ARMC7: variants seen among roughly 807,000 people sequenced by gnomAD.
ARMC7 encodes the protein armadillo repeat-containing protein 7.
ARMC7 carries 9 observed loss-of-function variants against 14.8 expected under a neutral mutation model. The observed-to-expected ratio is 0.61, with a 90% CI of 0.37 to 1.06. ARMC7 has a LOEUF of 1.06. Ranked by LOEUF, ARMC7 falls within the 50% of genes least tolerant of loss-of-function variation. The probability of loss-of-function intolerance (pLI) is 0.01; values close to 1 mark genes in which losing one functional copy is unlikely to be tolerated. For missense variants in ARMC7, 262 were observed against 267.1 expected (o/e 0.98, Z 0.13); for synonymous variants, 125 against 123.4 (o/e 1.01, Z -0.09).
intron 2 of ARMC7, among the ~76,000 whole-genome samples, chr17:75,123,746 T>C (rs1049681556): frequency 1.3e-5 from 2 of 151,950 alleles, no homozygotes; most frequent in African/African-American, 4.8e-5. Flanking sequence ...CCCCCATCTC[T>C]ACTAAAAATA....
intron 2 of ARMC7, chr17:75,114,838 T>G (rs1002451930): frequency 2.5e-6 from 1 of 397,278 alleles, no homozygotes; most frequent in East Asian, 3.6e-5. Flanking sequence ...AAATTTCTCT[T>G]GTGTTTATTA....
chr17:75,129,935 C>T lies in ARMC7; in HGVS notation c.*897C>T, dbSNP rs80076311. On this transcript the variant is annotated 3_prime_UTR_variant, in exon 3 of 3. Transcript: ENST00000245543. ...CAAGGGAGTCAGGAAGAGACGGCAACGTAAAGGATGTGGCTCCATGTCCAT... is the reference window on the plus strand; with the variant it reads ...CAAGGGAGTCAGGAAGAGACGGCAATGTAAAGGATGTGGCTCCATGTCCAT... 365 of 153,536 alleles carry T rather than the reference C, an allele frequency of 2.4e-3. 3 individuals carry two copies. Among genetic ancestry groups the T allele is most frequent in the Non-Finnish European group, 4.4e-3 (306 of 68,986 alleles). The allele number at this position is 153,536 out of a possible 1,614,324, so 9.5% of individuals were successfully genotyped here.
In ARMC7 at chr17:75,129,841, C is replaced by T. The variant is rs1327797036; in HGVS notation, c.*803C>T. 1 of 152,540 alleles carries T rather than the reference C, an allele frequency of 6.6e-6. No individual in the cohort carries two copies. The highest frequency in any genetic ancestry group is 1.5e-5 in the Non-Finnish European group (1 of 68,336). 9.4% of individuals were successfully genotyped at this position (152,540 alleles called of 1,614,324 possible). A position where few individuals can be genotyped will look rare whatever the true frequency, so the allele number is the denominator to read the frequency against. ...AAGCTTCGGCCCTCCTCTGCTGTCA[C>T]TCAATGATGGGGAGCCCTACCCCAG... is the stretch of plus-strand genomic sequence containing the variant. On this transcript the variant is annotated 3_prime_UTR_variant, in exon 3 of 3. Coordinates refer to ENST00000245543, the MANE Select transcript of ARMC7 (RefSeq NM_024585.4).
chr17:75,115,477 G>A (rs1339596631), intron 2 of ARMC7, among the ~76,000 whole-genome samples: 1 of 152,028 alleles, frequency 6.6e-6, no homozygotes, highest in Non-Finnish European at 1.5e-5. Flanking sequence ...GACAGAGGTT[G>A]CAGTGAGCCA....
rs1391609930 is a variant in ARMC7 at position 75,110,231 on chromosome 17, C to T, written c.-58C>T. 14 of 1,490,100 alleles carry T rather than the reference C, an allele frequency of 9.4e-6. No homozygotes were observed. The highest frequency in any genetic ancestry group is 1.4e-5 in the African/African-American group (1 of 71,382). 92.3% of individuals were successfully genotyped at this position (1,490,100 alleles called of 1,614,324 possible). ...GCGGGTGAGGGTCTCGCTCGGCTTT[C>T]CCCCTGCACCTTTCCCACCCTCCCG... On this transcript the variant is annotated 5_prime_UTR_variant, in exon 1 of 3. Transcript: ENST00000245543.
At chr17:75,117,475 A>C (rs2073981732) in intron 2 of ARMC7, among the ~76,000 whole-genome samples, 1 of 152,214 alleles carries the variant, frequency 6.6e-6, no homozygotes, top group African/African-American at 2.4e-5. Flanking sequence ...AGGGTGTTCA[A>C]AGGCAGGAGG....
chr17:75,117,162 C>A (rs771751726), intron 2 of ARMC7, among the ~76,000 whole-genome samples: 2 of 152,130 alleles, frequency 1.3e-5, no homozygotes, highest in Non-Finnish European at 2.9e-5. Flanking sequence ...CTGCAACCTC[C>A]GCCTACCTGG....
intron 2 of ARMC7, among the ~76,000 whole-genome samples, chr17:75,123,895 G>A (rs898924040): frequency 1.3e-5 from 2 of 152,096 alleles, no homozygotes; most frequent in African/African-American, 4.8e-5. Context: ...TGGGCGACAA[G>A]AGCGAGGCTC....
intron 2 of ARMC7, among the ~76,000 whole-genome samples, chr17:75,127,329 G>C (rs927369775): frequency 6.6e-6 from 1 of 152,216 alleles, no homozygotes; most frequent in African/African-American, 2.4e-5. Context: ...CTAACATTGA[G>C]ACGTAGTATT....
chr17:75,127,091 C>A (rs116236149), intron 2 of ARMC7, among the ~76,000 whole-genome samples: 1 of 148,074 alleles, frequency 6.8e-6, no homozygotes, highest in Admixed American at 6.7e-5. Context: ...TGGCGTAAGC[C>A]ATGCACAGTG....
rs935052928 is a variant in ARMC7, at chr17:75,129,678, C to T, written c.*640C>T. 6.6e-6 allele frequency: 1 copy of T among 152,502 alleles called. No individual in the cohort carries two copies. The highest frequency in any genetic ancestry group is 1.5e-5 in the Non-Finnish European group (1 of 68,306). The allele number at this position is 152,502 out of a possible 1,614,324, so 9.4% of individuals were successfully genotyped here. ...TCCAAGATGAAGATGTGGTCCCTGC[C>T]CTTGAGTGACAGCCCAGGGACTTAA... On this transcript the variant is annotated 3_prime_UTR_variant, in exon 3 of 3. Coordinates refer to ENST00000245543, the MANE Select transcript of ARMC7 (RefSeq NM_024585.4).
At chr17:75,118,580 G>A (rs117498918) in intron 2 of ARMC7, among the ~76,000 whole-genome samples, 1,765 of 152,316 alleles carry the variant, frequency 0.012, 24 homozygotes, top group Non-Finnish European at 0.02. Context: ...ACACGCACGG[G>A]TTTTCAAGTC....
intron 2 of ARMC7, among the ~76,000 whole-genome samples, chr17:75,125,584 T>A (rs1350846018): frequency 6.6e-6 from 1 of 152,070 alleles, no homozygotes; most frequent in African/African-American, 2.4e-5. Context: ...ACACCCGTAA[T>A]CCTAGCACTT....
In ARMC7 at chr17:75,130,268, TCC is replaced by T; in HGVS notation, c.*1232_*1233del. ...TTTTATTAAAGGTCCCGACTGGTTT[TCC>T]CACTGTATTTCCATGCCAGCCAGGG... On this transcript the variant is annotated 3_prime_UTR_variant, in exon 3 of 3. Coordinates refer to ENST00000245543, the MANE Select transcript of ARMC7 (RefSeq NM_024585.4). 3.4e-6 allele frequency: 2 copies of T among 583,176 alleles called. No homozygotes were observed. Among genetic ancestry groups the T allele is most frequent in the South Asian group, 2.1e-5 (1 of 47,764 alleles). The allele number at this position is 583,176 out of a possible 1,614,324, so 36.1% of individuals were successfully genotyped here.
At position 75,129,282 on chromosome 17, in the gene ARMC7, C is replaced by G. The variant is rs1390473505; in HGVS notation, c.*244C>G. The G allele has an allele frequency of 8.7e-6, 5 of 574,472 alleles. No individual in the cohort carries two copies. Among genetic ancestry groups the G allele is most frequent in the African/African-American group, 7.5e-5 (4 of 53,436 alleles). 35.6% of individuals were successfully genotyped at this position (574,472 alleles called of 1,614,324 possible). A position where few individuals can be genotyped will look rare whatever the true frequency, so the allele number is the denominator to read the frequency against. On this transcript the variant is annotated 3_prime_UTR_variant, in exon 3 of 3. Transcript: ENST00000245543. ...TCATAGGCTGGCACTCTCAATCCTA[C>G]ATCAGGTGCCACCACCACCAGACTC... is the stretch of plus-strand genomic sequence containing the variant.
At chr17:75,128,181 T>C (rs2074065985) in intron 2 of ARMC7, among the ~76,000 whole-genome samples, 1 of 151,920 alleles carries the variant, frequency 6.6e-6, no homozygotes, top group African/African-American at 2.4e-5. Flanking sequence ...TTCAAGCAAT[T>C]CTCCTGCCTC....
At chr17:75,124,610 CT>C (rs1410682665) in intron 2 of ARMC7, among the ~76,000 whole-genome samples, 104 of 152,020 alleles carry the variant, frequency 6.8e-4, no homozygotes, top group African/African-American at 2.4e-3. Context: ...GACCACAGCA[CT>C]TCCACTGCCC....
intron 2 of ARMC7, among the ~76,000 whole-genome samples, chr17:75,126,003 G>A (rs946775447): frequency 2.0e-5 from 3 of 152,224 alleles, no homozygotes; most frequent in African/African-American, 7.2e-5. Context: ...TGGGGAAGAT[G>A]TCTTAGTTGG....
At chr17:75,125,261 G>C (rs566951387) in intron 2 of ARMC7, among the ~76,000 whole-genome samples, 12 of 152,110 alleles carry the variant, frequency 7.9e-5, no homozygotes, top group Non-Finnish European at 1.6e-4. Context: ...TTTCCCCCCC[G>C]GGTCAGTGCT....
Sources: gnomAD v4.1 joint callset for allele counts (sites outside exome capture counted in the v4.1 genomes callset) on GRCh38, gnomAD v4.1.1 for gene constraint, MANE v1.5 for transcripts, NCBI Gene and HGNC (gene_info 2026-07-23, HGNC 2026-07-21) for gene names.